Variants in LRRTM4 observed in about 807,000 individuals in gnomAD.
The protein encoded by LRRTM4 is leucine-rich repeat transmembrane neuronal protein 4.
In LRRTM4, 25 loss-of-function variants were observed where a neutral mutation model predicts 47.6. That is an observed-to-expected ratio of 0.53 (90% confidence interval 0.38 to 0.73). The LOEUF (loss-of-function observed/expected upper bound fraction) is 0.73. LRRTM4 is among the 30% of genes least tolerant of loss of function. The pLI is 0.00. For missense variants in LRRTM4, 638 were observed against 713.4 expected, an observed-to-expected ratio of 0.89 and a Z score of 1.20; for synonymous variants, 311 against 269.5, an observed-to-expected ratio of 1.15 and a Z score of -1.51.
chr2:77,363,395 T>C (rs1299343703), intron 3 of LRRTM4, among the ~76,000 whole-genome samples: 1 of 152,142 alleles, frequency 6.6e-6, no homozygotes, highest in East Asian at 1.9e-4. Context: ...CTCCCAAGAA[T>C]ATAGCATCTC....
chr2:76,930,297 G>A (rs1462998979), intron 3 of LRRTM4, among the ~76,000 whole-genome samples: 1 of 152,110 alleles, frequency 6.6e-6, no homozygotes, highest in African/African-American at 2.4e-5. Flanking sequence ...CTGAGCATTA[G>A]CTAAGTCTCA....
intron 3 of LRRTM4, among the ~76,000 whole-genome samples, chr2:77,083,844 G>C (rs374960304): frequency 8.7e-6 from 1 of 115,584 alleles, no homozygotes; most frequent in Non-Finnish European, 1.7e-5. Context: ...TCGCTCTGTC[G>C]CCCAGGCTGG....
intron 3 of LRRTM4, among the ~76,000 whole-genome samples, chr2:77,137,692 G>C (rs1468831856): frequency 6.6e-6 from 1 of 152,190 alleles, no homozygotes; most frequent in African/African-American, 2.4e-5. Flanking sequence ...ATTGGAAAAA[G>C]AGTCAAGACC....
intron 3 of LRRTM4, among the ~76,000 whole-genome samples, chr2:77,072,412 A>C (rs975544822): frequency 1.3e-5 from 2 of 152,182 alleles, no homozygotes; most frequent in African/African-American, 2.4e-5. Context: ...TGGTCTAAAC[A>C]CATAAATATA....
intron 3 of LRRTM4, among the ~76,000 whole-genome samples, chr2:76,852,618 T>C (rs1672030957): frequency 2.0e-5 from 3 of 152,212 alleles, no homozygotes; most frequent in South Asian, 4.1e-4. Flanking sequence ...TCTTGCCATG[T>C]AGTACATTCA....
chr2:77,207,361 A>T lies in LRRTM4; in HGVS notation c.1551+310957T>A, dbSNP rs1674160548. On this transcript the variant is annotated intron_variant, in intron 3 of 3. Transcript: ENST00000409884. ...ATTTCATATATGTGTATATATATAT[A>T]TATATATATATACACACACACATAT... Among the ~76,000 whole-genome samples, 16 of 136,106 alleles carry T rather than the reference A, an allele frequency of 1.2e-4. No individual in the cohort carries two copies. In the South Asian group the frequency reaches 2.8e-3, roughly 24 times the overall value. 89.3% of individuals were successfully genotyped at this position (136,106 alleles called of 152,430 possible).
chr2:77,484,020 C>T (rs1048969170), intron 3 of LRRTM4, among the ~76,000 whole-genome samples: 2 of 152,076 alleles, frequency 1.3e-5, no homozygotes, highest in African/African-American at 4.8e-5. Flanking sequence ...GTCTAAGATC[C>T]CAAAGCATAT....
Position 77,181,769 on chromosome 2 carries a change from G to A in LRRTM4, c.1551+336549C>T, listed in dbSNP as rs1362725333. Among the ~76,000 whole-genome samples, 4 of 152,032 alleles carry A rather than the reference G, an allele frequency of 2.6e-5. No homozygotes were observed. In the South Asian group the frequency reaches 8.3e-4, roughly 32 times the overall value. ...AAAAAGCAGTAGATGTTTAGGAGGG[G>A]AGGAAAGGCAATTTAACAAAATTAT... is the stretch of plus-strand genomic sequence containing the variant. On this transcript the variant is annotated intron_variant, in intron 3 of 3. Coordinates refer to ENST00000409884, the MANE Select transcript of LRRTM4 (RefSeq NM_001134745.3).
intron 3 of LRRTM4, among the ~76,000 whole-genome samples, chr2:77,050,188 T>C (rs1330277381): frequency 6.8e-6 from 1 of 147,204 alleles, no homozygotes; most frequent in Non-Finnish European, 1.5e-5. Context: ...ATCAGGGAAT[T>C]TTATGTAAAA....
At chr2:77,329,080 C>A (rs566737085) in intron 3 of LRRTM4, among the ~76,000 whole-genome samples, 1 of 152,290 alleles carries the variant, frequency 6.6e-6, no homozygotes, top group Non-Finnish European at 1.5e-5. Context: ...CCTGAGCTTA[C>A]AGTACTTAAG....
At chr2:76,918,991 T>C (rs1674344607) in intron 3 of LRRTM4, among the ~76,000 whole-genome samples, 1 of 152,108 alleles carries the variant, frequency 6.6e-6, no homozygotes, top group Admixed American at 6.6e-5. Flanking sequence ...GGATATAGAT[T>C]AAAATCAGCA....
At chr2:76,748,977 C>T in intron 3 of LRRTM4, 61 bp from the exon 4 acceptor site, 2 of 1,355,176 alleles carry the variant, frequency 1.5e-6, no homozygotes, top group South Asian at 2.5e-5. Flanking sequence ...GATAGGACAG[C>T]ACTCATCAGG....
intron 3 of LRRTM4, among the ~76,000 whole-genome samples, chr2:77,223,501 T>A (rs1427878215): frequency 6.6e-6 from 1 of 152,186 alleles, no homozygotes; most frequent in African/African-American, 2.4e-5. Context: ...GATAAGCAAC[T>A]TCGGCAAAGT....
At chr2:76,908,034 C>G (rs988712065) in intron 3 of LRRTM4, among the ~76,000 whole-genome samples, 1 of 151,476 alleles carries the variant, frequency 6.6e-6, no homozygotes, top group Non-Finnish European at 1.5e-5. Context: ...GGCAGAGACA[C>G]AGCCAAAAAA....
chr2:76,977,553 T>G (rs1676461315), intron 3 of LRRTM4, among the ~76,000 whole-genome samples: 1 of 151,930 alleles, frequency 6.6e-6, no homozygotes. Context: ...AGCCTGTGAT[T>G]TCCAAGGTAT....
chr2:77,516,002 T>G (rs893026967), intron 3 of LRRTM4, among the ~76,000 whole-genome samples: 3 of 151,850 alleles, frequency 2.0e-5, no homozygotes, highest in African/African-American at 7.2e-5. Context: ...TAAAACAAGT[T>G]GAAATTCATT....
intron 3 of LRRTM4, among the ~76,000 whole-genome samples, chr2:76,948,604 T>C (rs1378708942): frequency 1.3e-5 from 2 of 151,834 alleles, no homozygotes; most frequent in Non-Finnish European, 2.9e-5. Flanking sequence ...ACAGCTCTTA[T>C]ACATCTAAAC....
At chr2:76,908,274 C>A (rs890149667) in intron 3 of LRRTM4, among the ~76,000 whole-genome samples, 4 of 151,996 alleles carry the variant, frequency 2.6e-5, no homozygotes, top group Non-Finnish European at 5.9e-5. Flanking sequence ...GCAGAAAAGG[C>A]CTTTGACAAA....
At chr2:76,813,360 A>G (rs1321727674) in intron 3 of LRRTM4, among the ~76,000 whole-genome samples, 1 of 152,132 alleles carries the variant, frequency 6.6e-6, no homozygotes, top group African/African-American at 2.4e-5. Context: ...CAAATGTCTC[A>G]TAAGATGTCT....
Sources: gnomAD v4.1 joint callset for allele counts (sites outside exome capture counted in the v4.1 genomes callset) on GRCh38, gnomAD v4.1.1 for gene constraint, MANE v1.5 for transcripts, NCBI Gene and HGNC (gene_info 2026-07-23, HGNC 2026-07-21) for gene names.